The following FRMD5 variants were observed in gnomAD, a reference collection of about 807,000 sequenced individuals.
The protein encoded by FRMD5 is FERM domain-containing protein 5.
A neutral mutation model predicts 69.0 loss-of-function variants in FRMD5; 20 were observed. The ratio of observed to expected loss-of-function variants is 0.29; its 90% confidence interval spans 0.20 to 0.42. FRMD5 has a LOEUF of 0.42. FRMD5 is among the 10% of genes least tolerant of loss of function. The pLI is 1.00. For missense variants in FRMD5, 595 were observed against 708.6 expected, an observed-to-expected ratio of 0.84 and a Z score of 1.82; for synonymous variants, 271 against 260.1, an observed-to-expected ratio of 1.04 and a Z score of -0.40.
chr15:43,911,050 A>G (rs1274967500), intron 4 of FRMD5, among the ~76,000 whole-genome samples: 1 of 152,200 alleles, frequency 6.6e-6, no homozygotes, highest in African/African-American at 2.4e-5. Context: ...ATGACTTTCC[A>G]TTTTGAAATG....
At chr15:44,196,732 T>TTCTC (rs71111844), upstream of FRMD5, among the ~76,000 whole-genome samples, 1 of 123,886 alleles carries the variant, frequency 8.1e-6, no homozygotes, top group Non-Finnish European at 1.6e-5. Flanking sequence ...TTCTCTTTCA[T>TTCTC]TCTCTCTCTC....
intron 1 of FRMD5, among the ~76,000 whole-genome samples, chr15:44,107,295 C>T (rs942414694): frequency 5.3e-5 from 8 of 152,166 alleles, no homozygotes. Flanking sequence ...GTAGTATAAA[C>T]ATCACCAGTC....
intron 1 of FRMD5, among the ~76,000 whole-genome samples, chr15:43,978,317 G>A (rs2090496164): frequency 6.6e-6 from 1 of 152,164 alleles, no homozygotes; most frequent in African/African-American, 2.4e-5. Context: ...TGGCTAAAGT[G>A]AAAAAGACTG....
chr15:44,014,877 G>A (rs1374484905), intron 1 of FRMD5, among the ~76,000 whole-genome samples: 1 of 152,244 alleles, frequency 6.6e-6, no homozygotes, highest in Non-Finnish European at 1.5e-5. Context: ...GTAAGTTGCT[G>A]ATTACATGTT....
rs71111834 is a variant in FRMD5 at position 44,038,520 on chromosome 15, C to CTTTTT, written c.103-114216_103-114212dup. Among the ~76,000 whole-genome samples, 13 of 63,196 alleles carry CTTTTT rather than the reference C, an allele frequency of 2.1e-4. 3 individuals are homozygous for CTTTTT. Among genetic ancestry groups the CTTTTT allele is most frequent in the East Asian group, 1.4e-3 (2 of 1,476 alleles). The allele number at this position is 63,196 out of a possible 152,430, so 41.5% of individuals were successfully genotyped here. A position where few individuals can be genotyped will look rare whatever the true frequency, so the allele number is the denominator to read the frequency against. On this transcript the variant is annotated intron_variant, in intron 1 of 13. Transcript: ENST00000417257. Reference sequence around the variant, plus strand: ...GCTTTCTGCATATGGCTAGCCAGAGCTTTTTTTTTTTTTTTTTTTTATAAC... The same window carrying CTTTTT: ...GCTTTCTGCATATGGCTAGCCAGAGCTTTTTTTTTTTTTTTTTTTTTTTTTATAAC...
At chr15:44,009,829 A>G (rs992744692) in intron 1 of FRMD5, among the ~76,000 whole-genome samples, 1 of 152,156 alleles carries the variant, frequency 6.6e-6, no homozygotes, top group African/African-American at 2.4e-5. Context: ...GGAAAAGGTA[A>G]TATTTATTAC....
chr15:43,919,707 G>C (rs200487338), intron 3 of FRMD5, 60 bp downstream of exon 3: 604 of 1,534,702 alleles, frequency 3.9e-4, no homozygotes, highest in Non-Finnish European at 5.1e-4. Context: ...AGATAAGTGG[G>C]AGGTTTCGTC....
intron 13 of FRMD5, 115 bp from the exon 14 acceptor site, chr15:43,874,577 G>T (rs1054343067): frequency 4.2e-6 from 3 of 720,184 alleles, no homozygotes. Flanking sequence ...ACCAGCAGCA[G>T]TAGCCACTGC....
At chr15:44,130,245 T>C (rs1321645733) in intron 1 of FRMD5, among the ~76,000 whole-genome samples, 1 of 152,212 alleles carries the variant, frequency 6.6e-6, no homozygotes, top group African/African-American at 2.4e-5. Context: ...TCCCCGCCAA[T>C]CCTTGGAGGC....
intron 2 of FRMD5, among the ~76,000 whole-genome samples, chr15:43,923,203 A>G (rs2089526879): frequency 6.6e-6 from 1 of 152,268 alleles, no homozygotes; most frequent in Non-Finnish European, 1.5e-5. Context: ...GAAAATATTT[A>G]TTGAACACCA....
chr15:44,077,688 C>A (rs142358623), intron 1 of FRMD5, among the ~76,000 whole-genome samples: 1 of 151,852 alleles, frequency 6.6e-6, no homozygotes. Flanking sequence ...GGGGAGGAAA[C>A]GAAGTGACTG....
At chr15:44,136,303 C>T (rs1485212780) in intron 1 of FRMD5, among the ~76,000 whole-genome samples, 8 of 152,110 alleles carry the variant, frequency 5.3e-5, no homozygotes, top group African/African-American at 1.4e-4. Context: ...AGATTACAGG[C>T]GTGAGCCACG....
chr15:44,037,162 G>T (rs1183295795), intron 1 of FRMD5, among the ~76,000 whole-genome samples: 9 of 151,882 alleles, frequency 5.9e-5, no homozygotes, highest in Admixed American at 2.0e-4. Flanking sequence ...GACAGGCCCT[G>T]GTGTGTGATA....
At chr15:44,098,820 C>T (rs1178997833) in intron 1 of FRMD5, among the ~76,000 whole-genome samples, 3 of 150,548 alleles carry the variant, frequency 2.0e-5, no homozygotes, top group Non-Finnish European at 3.0e-5. Flanking sequence ...CTTTTTCCAA[C>T]ATCTACACAC....
intron 1 of FRMD5, among the ~76,000 whole-genome samples, chr15:43,963,668 C>T (rs1292331772): frequency 2.6e-5 from 4 of 152,150 alleles, no homozygotes; most frequent in African/African-American, 9.7e-5. Flanking sequence ...AAATGTCCAA[C>T]AATGATAGAC....
intron 1 of FRMD5, among the ~76,000 whole-genome samples, chr15:44,033,484 CAA>C (rs932456932): frequency 9.2e-5 from 14 of 151,966 alleles, no homozygotes; most frequent in South Asian, 4.2e-4. Context: ...AGTTTTTGTT[CAA>C]GTCTCTTTTT....
chr15:44,160,312 C>A (rs145229747), intron 1 of FRMD5, among the ~76,000 whole-genome samples: 1 of 152,108 alleles, frequency 6.6e-6, no homozygotes, highest in Admixed American at 6.6e-5. Context: ...GCCGAGATGG[C>A]GCCACTGCAC....
intron 9 of FRMD5, 81 bp downstream of exon 9, chr15:43,888,728 G>A: frequency 8.5e-7 from 1 of 1,171,146 alleles, no homozygotes; most frequent in Non-Finnish European, 1.3e-6. Context: ...GCTCTACTGG[G>A]GTCCCTCAAG....
At chr15:44,008,924 G>A (rs1303214642) in intron 1 of FRMD5, among the ~76,000 whole-genome samples, 3 of 152,160 alleles carry the variant, frequency 2.0e-5, no homozygotes, top group Admixed American at 6.5e-5. Context: ...TACTGGGGAG[G>A]CTGAGGCAGG....
Sources: allele counts gnomAD v4.1 joint callset (sites outside exome capture counted in the v4.1 genomes callset), GRCh38; gene constraint gnomAD v4.1.1; transcripts MANE v1.5; gene names NCBI Gene and HGNC (gene_info 2026-07-23, HGNC 2026-07-21).